Variants in SETD7 observed in about 807,000 individuals in gnomAD.
The protein encoded by SETD7 is SET domain containing 7, histone lysine methyltransferase, also known as histone-lysine N-methyltransferase SETD7.
Under a neutral mutation model 41.8 loss-of-function variants are expected in SETD7, and 16 were observed. The observed-to-expected ratio is 0.38, with a 90% CI of 0.26 to 0.58. The LOEUF is 0.58. Among genes scored for constraint, SETD7 ranks in the 20% least tolerant of loss-of-function variants. The probability of loss-of-function intolerance (pLI) is 0.64; values close to 1 mark genes in which losing one functional copy is unlikely to be tolerated. For synonymous variants in SETD7, 163 were observed against 169.7 expected, an observed-to-expected ratio of 0.96 and a Z score of 0.31; for missense variants, 346 against 459.7, an observed-to-expected ratio of 0.75 and a Z score of 2.26.
intron 2 of SETD7, chr4:139,546,522 C>A: frequency 3.2e-6 from 1 of 308,918 alleles, no homozygotes; most frequent in Non-Finnish European, 6.2e-6. Flanking sequence ...AAGTGTGAAT[C>A]TGACTTTACT....
At chr4:139,512,150 T>A (rs897486372) in intron 7 of SETD7, among the ~76,000 whole-genome samples, 4 of 152,206 alleles carry the variant, frequency 2.6e-5, no homozygotes, top group African/African-American at 9.6e-5. Flanking sequence ...CACCTTGCAT[T>A]TATAAACCAA....
intron 7 of SETD7, 117 bp from the exon 8 acceptor site, chr4:139,511,960 T>C (rs1265497358): frequency 1.4e-6 from 2 of 1,452,986 alleles, no homozygotes; most frequent in African/African-American, 2.8e-5. Context: ...GCACACCTGG[T>C]ATGTGCCCAA....
intron 2 of SETD7, among the ~76,000 whole-genome samples, chr4:139,536,911 G>A (rs1052054229): frequency 3.3e-5 from 5 of 152,002 alleles, no homozygotes; most frequent in South Asian, 4.1e-4. Context: ...GCTGAGGCAC[G>A]AGAATTGCTT....
intron 6 of SETD7, among the ~76,000 whole-genome samples, chr4:139,519,056 C>T (rs1727109677): frequency 1.3e-5 from 2 of 152,166 alleles, no homozygotes; most frequent in African/African-American, 4.8e-5. Flanking sequence ...ATGTGCCGGG[C>T]ACTCTTCTAG....
chr4:139,551,991 A>AT (rs1728122533), intron 1 of SETD7, among the ~76,000 whole-genome samples: 1 of 152,186 alleles, frequency 6.6e-6, no homozygotes, highest in Admixed American at 6.5e-5. Context: ...TCTTTTTAAA[A>AT]TTTTTTAATT....
chr4:139,511,730 C>T lies in SETD7; in HGVS notation c.1034G>A (p.Ser345Asn), dbSNP rs1310875395. ...GTACCACTCAGGGGCTTCAGGCCCACTCTTCCCGGGGGGGCTGTGGTCATA... is the reference window on the plus strand; with the variant it reads ...GTACCACTCAGGGGCTTCAGGCCCATTCTTCCCGGGGGGGCTGTGGTCATA... ...YGYDHSPPGK[S>N]GPEAPEWYQV... The change falls in exon 8 of 8, where the codon AGT (serine) becomes AAT (asparagine). Residue 345 changes from serine to asparagine, a missense_variant. By Grantham distance (46) the Ser-to-Asn change is conservative. Around this residue, in one of 3 missense-constraint regions of SETD7, gnomAD observed 75 missense variants for 65.5 expected, o/e 1.14. Coordinates refer to ENST00000274031, the MANE Select transcript of SETD7 (RefSeq NM_030648.4). 1.2e-6 allele frequency: 2 copies of T among 1,614,188 alleles called. No homozygotes were observed. The highest frequency in any genetic ancestry group is 1.1e-5 in the South Asian group (1 of 91,074).
intron 1 of SETD7, among the ~76,000 whole-genome samples, chr4:139,549,802 A>G (rs747539197): frequency 6.6e-6 from 1 of 151,818 alleles, no homozygotes; most frequent in East Asian, 1.9e-4. Flanking sequence ...TTTGAGACAG[A>G]GTTTTACTCT....
intron 7 of SETD7, among the ~76,000 whole-genome samples, chr4:139,499,391 G>T (rs1192318545): frequency 2.0e-5 from 3 of 152,328 alleles, no homozygotes; most frequent in East Asian, 3.9e-4. Flanking sequence ...TGCCAAGCTT[G>T]TTTTTCTGTA....
exon 8 of SETD7, chr4:139,496,186 C>T: frequency 2.1e-6 from 1 of 486,134 alleles, no homozygotes; most frequent in Non-Finnish European, 3.6e-6. Flanking sequence ...TTTTTCCCCC[C>T]TCTGGTGACT....
rs769199777 is a variant in SETD7 at position 139,556,147 on chromosome 4, G to C, written c.-10C>G. ...CGTCGTCGCTATCCATGGCGGCTGG[G>C]GACACTGCCCAGCTCGGGGCTGCGC... On this transcript the variant is annotated 5_prime_UTR_variant, in exon 1 of 8. Transcript: ENST00000274031. 6.3e-7 allele frequency: 1 copy of C among 1,596,368 alleles called. No individual in the cohort carries two copies. Among genetic ancestry groups the C allele is most frequent in the Non-Finnish European group, 8.5e-7 (1 of 1,172,260 alleles).
downstream of SETD7, among the ~76,000 whole-genome samples, chr4:139,505,484 G>C (rs1342285309): frequency 6.6e-6 from 1 of 152,166 alleles, no homozygotes; most frequent in Non-Finnish European, 1.5e-5. Context: ...AGCTACTTGG[G>C]AGGCTGAGGC....
At chr4:139,540,631 A>G (rs936229322) in intron 2 of SETD7, among the ~76,000 whole-genome samples, 3 of 152,194 alleles carry the variant, frequency 2.0e-5, no homozygotes, top group African/African-American at 7.2e-5. Flanking sequence ...TGTTATGAAG[A>G]CCACGTGTCC....
Position 139,555,983 on chromosome 4 carries a change from T to G in SETD7, c.40+115A>C. 1.9e-6 allele frequency: 2 copies of G among 1,054,296 alleles called. No individual in the cohort carries two copies. The highest frequency in any genetic ancestry group is 2.6e-6 in the Non-Finnish European group (2 of 767,914). 65.3% of individuals were successfully genotyped at this position (1,054,296 alleles called of 1,614,324 possible). ...CCCGAGCCGGGCAACCGGCCACCCG[T>G]GTAGGGGACAGTGGCGGCCGCGGGG... On this transcript the variant is annotated intron_variant, in intron 1 of 7. Transcript: ENST00000274031. This position sits in a 1 kb window ranked among gnomAD's most constrained non-coding sequence, Gnocchi z 4.0.
intron 1 of SETD7, among the ~76,000 whole-genome samples, chr4:139,553,371 G>A (rs562144391): frequency 6.6e-6 from 1 of 152,356 alleles, no homozygotes; most frequent in African/African-American, 2.4e-5. Flanking sequence ...GAAAGTCACT[G>A]AACTCTGTCA....
Position 139,510,738 on chromosome 4 carries a change from T to C in SETD7, c.*925A>G, listed in dbSNP as rs1441120128. The C allele has an allele frequency of 6.6e-6, 1 of 152,532 alleles. No homozygotes were observed. Among genetic ancestry groups the C allele is most frequent in the Non-Finnish European group, 1.5e-5 (1 of 68,032 alleles). The allele number at this position is 152,532 out of a possible 1,614,324, so 9.4% of individuals were successfully genotyped here. A position where few individuals can be genotyped will look rare whatever the true frequency, so the allele number is the denominator to read the frequency against. ...CGCTATGTTATGTACATTTAATGTG[T>C]ACTCAAGGAGGAAAAAATTACTAGC... On this transcript the variant is annotated 3_prime_UTR_variant, in exon 8 of 8. Coordinates refer to ENST00000274031, the MANE Select transcript of SETD7 (RefSeq NM_030648.4).
intron 7 of SETD7, among the ~76,000 whole-genome samples, chr4:139,497,553 A>G (rs897059411): frequency 6.6e-6 from 1 of 152,108 alleles, no homozygotes; most frequent in Non-Finnish European, 1.5e-5. Context: ...ATAGGAAAGA[A>G]CATCAACTGA....
intron 2 of SETD7, among the ~76,000 whole-genome samples, chr4:139,543,222 CA>C (rs1431270012): frequency 9.9e-5 from 15 of 152,190 alleles, no homozygotes; most frequent in African/African-American, 3.4e-4. Context: ...CCCAACACAT[CA>C]AGCTCTAAAA....
intron 2 of SETD7, among the ~76,000 whole-genome samples, chr4:139,543,746 A>G (rs532625111): frequency 1.7e-4 from 26 of 150,904 alleles, no homozygotes; most frequent in African/African-American, 5.9e-4. Context: ...AGGTCAGGAG[A>G]TCAAGACCAT....
At position 139,508,286 on chromosome 4, in the gene SETD7, G is replaced by C. The variant is rs1726765190; in HGVS notation, c.*3377C>G. ...CTACAGTCCTAGACAGGTTCAAAGA[G>C]CTCTTGGAAAACTAATTTCCTTCTT... On this transcript the variant is annotated 3_prime_UTR_variant, in exon 8 of 8. Coordinates refer to ENST00000274031, the MANE Select transcript of SETD7 (RefSeq NM_030648.4). The C allele has an allele frequency of 6.6e-6, 1 of 152,144 alleles. No homozygotes were observed. Among genetic ancestry groups the C allele is most frequent in the Non-Finnish European group, 1.5e-5 (1 of 68,040 alleles). 9.4% of individuals were successfully genotyped at this position (152,144 alleles called of 1,614,324 possible). A position where few individuals can be genotyped will look rare whatever the true frequency, so the allele number is the denominator to read the frequency against.
Sources: allele counts gnomAD v4.1 joint callset (sites outside exome capture counted in the v4.1 genomes callset), GRCh38; gene constraint gnomAD v4.1.1; regional missense constraint gnomAD v4.1.1; non-coding constraint Gnocchi (gnomAD v3.1); transcripts MANE v1.5; gene names NCBI Gene and HGNC (gene_info 2026-07-23, HGNC 2026-07-21).